NAALADL2: variants seen among roughly 807,000 people sequenced by gnomAD.
NAALADL2 encodes the protein N-acetylated alpha-linked acidic dipeptidase like 2, also known as inactive N-acetylated-alpha-linked acidic dipeptidase-like protein 2.
Under a neutral mutation model 87.2 loss-of-function variants are expected in NAALADL2, and 76 were observed. The observed-to-expected ratio is 0.87, with a 90% CI of 0.72 to 1.05. NAALADL2 has a LOEUF of 1.05. NAALADL2 is among the 50% of genes least tolerant of loss of function. The pLI is 0.00. For missense variants in NAALADL2, 1,089 were observed against 945.8 expected, an observed-to-expected ratio of 1.15 and a Z score of -1.99; for synonymous variants, 354 against 331.0, an observed-to-expected ratio of 1.07 and a Z score of -0.75.
intron 5 of NAALADL2, among the ~76,000 whole-genome samples, chr3:175,341,603 C>A (rs1357803752): frequency 6.6e-6 from 1 of 152,080 alleles, no homozygotes; most frequent in African/African-American, 2.4e-5. Context: ...ATAGAGGATG[C>A]ACTGTTTAAA....
intron 3 of NAALADL2, among the ~76,000 whole-genome samples, chr3:174,796,654 G>C (rs756940695): frequency 1.5e-5 from 1 of 67,440 alleles, no homozygotes; most frequent in Non-Finnish European, 3.1e-5. Flanking sequence ...CCATATCTTT[G>C]CTATTGTGAA....
chr3:174,577,817 T>C (rs1715699968), intron 2 of NAALADL2, among the ~76,000 whole-genome samples: 2 of 152,038 alleles, frequency 1.3e-5, no homozygotes, highest in African/African-American at 2.4e-5. Flanking sequence ...CTCAGACGAA[T>C]CAGATCTTGA....
intron 9 of NAALADL2, among the ~76,000 whole-genome samples, chr3:175,503,010 T>G (rs894488482): frequency 1.3e-5 from 2 of 151,896 alleles, no homozygotes; most frequent in African/African-American, 4.8e-5. Context: ...AGGGGTTTGG[T>G]GTAGATTATG....
intron 9 of NAALADL2, among the ~76,000 whole-genome samples, chr3:175,528,581 C>A (rs1037294464): frequency 6.6e-6 from 1 of 152,090 alleles, no homozygotes; most frequent in Non-Finnish European, 1.5e-5. Context: ...ATCACAAGTC[C>A]ACCCCTTGTC....
Position 175,698,473 on chromosome 3 carries a change from G to GTGTATA in NAALADL2, c.1897-38832_1897-38831insGTATAT, listed in dbSNP as rs1553953616. On this transcript the variant is annotated intron_variant, in intron 11 of 13. Coordinates refer to ENST00000454872, the MANE Select transcript of NAALADL2 (RefSeq NM_207015.3). ...TATACATATATGTGTATATATGTGTGTATATATATTTATATATATATATAT... is the reference window on the plus strand; with the variant it reads ...TATACATATATGTGTATATATGTGTGTGTATATATATATATTTATATATATATATAT... Among the ~76,000 whole-genome samples the GTGTATA allele has an allele frequency of 4.0e-4, 33 of 82,050 alleles. 4 individuals carry two copies. The highest frequency in any genetic ancestry group is 3.0e-3 in the African/African-American group (32 of 10,620). The allele number at this position is 82,050 out of a possible 152,430, so 53.8% of individuals were successfully genotyped here.
intron 1 of NAALADL2, among the ~76,000 whole-genome samples, chr3:174,915,240 G>T (rs980168529): frequency 6.6e-6 from 1 of 152,094 alleles, no homozygotes; most frequent in Non-Finnish European, 1.5e-5. Flanking sequence ...AGCAGAGGAG[G>T]TGTCATATTG....
chr3:175,322,951 C>G (rs1459344407), intron 4 of NAALADL2, among the ~76,000 whole-genome samples: 1 of 151,742 alleles, frequency 6.6e-6, no homozygotes, highest in Non-Finnish European at 1.5e-5. Context: ...GGATCTAGAA[C>G]TAGAAATACC....
At chr3:175,774,598 T>C (rs1749964734) in intron 13 of NAALADL2, among the ~76,000 whole-genome samples, 1 of 152,044 alleles carries the variant, frequency 6.6e-6, no homozygotes, top group Non-Finnish European at 1.5e-5. Flanking sequence ...TAAATAATTT[T>C]TTTAAGGAAC....
At chr3:174,870,940 G>A (rs1727753499) in intron 1 of NAALADL2, among the ~76,000 whole-genome samples, 1 of 152,040 alleles carries the variant, frequency 6.6e-6, no homozygotes, top group Non-Finnish European at 1.5e-5. Flanking sequence ...GGTGCATCTT[G>A]ATTCCTCTTA....
chr3:175,082,159 C>T (rs1207684098), intron 1 of NAALADL2, among the ~76,000 whole-genome samples: 1 of 152,108 alleles, frequency 6.6e-6, no homozygotes, highest in Non-Finnish European at 1.5e-5. Context: ...GGGATTCATA[C>T]CCATTTCTGT....
intron 11 of NAALADL2, among the ~76,000 whole-genome samples, chr3:175,700,773 T>A (rs1738878909): frequency 6.6e-6 from 1 of 152,136 alleles, no homozygotes; most frequent in Non-Finnish European, 1.5e-5. Flanking sequence ...GTTTGTATTT[T>A]TATATTAAGT....
At chr3:175,800,340 A>G (rs1754002013) in intron 13 of NAALADL2, among the ~76,000 whole-genome samples, 1 of 116,016 alleles carries the variant, frequency 8.6e-6, no homozygotes, top group African/African-American at 4.2e-5. Flanking sequence ...CAGGGAATAT[A>G]TTTTTCTTAA....
intron 1 of NAALADL2, among the ~76,000 whole-genome samples, chr3:174,981,959 A>C (rs934935278): frequency 6.6e-6 from 1 of 152,328 alleles, no homozygotes; most frequent in South Asian, 2.1e-4. Flanking sequence ...CTGAAGTCAC[A>C]AAAGCACTTT....
intron 1 of NAALADL2, among the ~76,000 whole-genome samples, chr3:174,526,047 G>C (rs929553946): frequency 2.6e-5 from 4 of 152,176 alleles, no homozygotes; most frequent in African/African-American, 9.7e-5. Flanking sequence ...AAATAAATGT[G>C]TTTGCCATGT....
intron 2 of NAALADL2, among the ~76,000 whole-genome samples, chr3:175,159,855 T>A (rs1443514783): frequency 6.6e-6 from 1 of 151,762 alleles, no homozygotes; most frequent in African/African-American, 2.4e-5. Flanking sequence ...TTTCTTTTCT[T>A]TCTCAGAGTC....
intron 9 of NAALADL2, among the ~76,000 whole-genome samples, chr3:175,530,870 T>C (rs1303431560): frequency 6.6e-6 from 1 of 152,136 alleles, no homozygotes; most frequent in East Asian, 1.9e-4. Flanking sequence ...GGTCATGTGG[T>C]GACTTGATGA....
intron 3 of NAALADL2, among the ~76,000 whole-genome samples, chr3:174,787,589 A>ATATATATATATATATATATATATATG (rs1716862783): frequency 1.6e-5 from 1 of 62,514 alleles, no homozygotes; most frequent in African/African-American, 5.3e-5. Context: ...ATATATATAT[A>ATATATATATATATATATATATATATG]TATATATATA....
At chr3:174,568,798 TTTATTCCACGTTCATTATTATTA>T (rs1714590363) in intron 2 of NAALADL2, among the ~76,000 whole-genome samples, 1 of 151,766 alleles carries the variant, frequency 6.6e-6, no homozygotes, top group Non-Finnish European at 1.5e-5. Flanking sequence ...TGTTTGTGGA[TTTATTCCACGTTCATTATTATTA>T]TTATTCTTTT....
At chr3:174,607,772 A>G (rs1374494731) in intron 2 of NAALADL2, among the ~76,000 whole-genome samples, 1 of 152,136 alleles carries the variant, frequency 6.6e-6, no homozygotes, top group Non-Finnish European at 1.5e-5. Flanking sequence ...CAGAAAGTTA[A>G]CAAGGATACC....
Sources: gnomAD v4.1 joint callset for allele counts (sites outside exome capture counted in the v4.1 genomes callset) on GRCh38, gnomAD v4.1.1 for gene constraint, MANE v1.5 for transcripts, NCBI Gene and HGNC (gene_info 2026-07-23, HGNC 2026-07-21) for gene names.